AAR2: variants seen among roughly 807,000 people sequenced by gnomAD.
AAR2 encodes AAR2 splicing factor.
Under a neutral mutation model 26.9 loss-of-function variants are expected in AAR2, and 31 were observed. The ratio of observed to expected loss-of-function variants is 1.15; its 90% CI spans 0.86 to 1.55. The LOEUF is 1.55. Among genes scored for constraint, AAR2 ranks in the 40% most tolerant of loss-of-function variants. The pLI is 0.00. For synonymous variants in AAR2, 188 were observed against 196.1 expected, an observed-to-expected ratio of 0.96 and a Z score of 0.34; for missense variants, 430 against 491.3, an observed-to-expected ratio of 0.88 and a Z score of 1.18.
chr20:36,240,117 G>A lies in AAR2; in HGVS notation c.249G>A (p.Gln83=), dbSNP rs2064661040. Residue 83 remains glutamine, a synonymous_variant, in exon 2 of 4, where the codon CAG becomes CAA. Coordinates refer to ENST00000320849, the MANE Select transcript of AAR2 (RefSeq NM_001271874.2). ...PRMGFFLSLH[Q]RGLTVLRWST... Reference sequence around the variant, plus strand: ...TGGGTTTCTTCCTTAGCCTGCACCAGCGGGGGCTGACAGTGCTGCGCTGGA... The same window carrying A: ...TGGGTTTCTTCCTTAGCCTGCACCAACGGGGGCTGACAGTGCTGCGCTGGA... 6.2e-7 allele frequency: 1 copy of A among 1,614,244 alleles called. No homozygotes were observed. Among genetic ancestry groups the A allele is most frequent in the Middle Eastern group, 1.6e-4 (1 of 6,062 alleles).
intron 1 of AAR2, 65 bp downstream of exon 1, chr20:36,236,568 C>G (rs1368013833): frequency 6.6e-6 from 1 of 152,314 alleles, no homozygotes; most frequent in Non-Finnish European, 1.5e-5. Flanking sequence ...GCTGGGCCGC[C>G]CCTCTTCTCG....
At chr20:36,249,056 TCTTA>T (rs2064761240) in intron 3 of AAR2, among the ~76,000 whole-genome samples, 1 of 152,076 alleles carries the variant, frequency 6.6e-6, no homozygotes, top group South Asian at 2.1e-4. Context: ...GAACTGGCTG[TCTTA>T]CTTAGGAGCT....
At chr20:36,249,372 A>G (rs573919973) in intron 3 of AAR2, among the ~76,000 whole-genome samples, 3 of 152,254 alleles carry the variant, frequency 2.0e-5, no homozygotes, top group South Asian at 4.1e-4. Flanking sequence ...GAATTTAATG[A>G]TATGTTAGAA....
At chr20:36,248,497 A>T (rs530467988) in intron 3 of AAR2, among the ~76,000 whole-genome samples, 1 of 151,882 alleles carries the variant, frequency 6.6e-6, no homozygotes, top group Admixed American at 6.6e-5. Flanking sequence ...CACCACGCCA[A>T]CCTAATTTTT....
At chr20:36,250,779 A>G (rs2064773847) in intron 3 of AAR2, among the ~76,000 whole-genome samples, 2 of 152,196 alleles carry the variant, frequency 1.3e-5, no homozygotes, top group Admixed American at 6.5e-5. Flanking sequence ...CACTGTGAAC[A>G]TGTATCATAT....
At chr20:36,242,584 A>G (rs1266009330) in intron 2 of AAR2, among the ~76,000 whole-genome samples, 5 of 151,738 alleles carry the variant, frequency 3.3e-5, no homozygotes, top group Admixed American at 3.3e-4. Context: ...TAGTAGAGAC[A>G]GGGTTTCACC....
At chr20:36,239,746 G>A in intron 1 of AAR2, 75 bp from the exon 2 acceptor site, 1 of 1,169,034 alleles carries the variant, frequency 8.6e-7, no homozygotes, top group Non-Finnish European at 1.2e-6. Context: ...TCAATATCTG[G>A]CACATACAGA....
chr20:36,255,808 A>C lies in AAR2; in HGVS notation c.*63A>C. 6.3e-7 allele frequency: 1 copy of C among 1,579,796 alleles called. No homozygotes were observed. The highest frequency in any genetic ancestry group is 1.1e-5 in the South Asian group (1 of 87,124). On this transcript the variant is annotated 3_prime_UTR_variant, in exon 4 of 4. Transcript: ENST00000320849. Reference sequence around the variant, plus strand: ...ACAGGGCTGCAGTCCTGGCCTCTCCATTTACTTCTTCCCATCCTGGGACCT... The same window carrying C: ...ACAGGGCTGCAGTCCTGGCCTCTCCCTTTACTTCTTCCCATCCTGGGACCT...
rs1341201160 is a variant in AAR2, at chr20:36,240,122, G to A, written c.254G>A (p.Gly85Glu). 2 of 1,614,230 alleles carry A rather than the reference G, an allele frequency of 1.2e-6. No individual in the cohort carries two copies. The highest frequency in any genetic ancestry group is 1.7e-6 in the Non-Finnish European group (2 of 1,180,038). Residue 85 changes from glycine (G) to glutamate (E), a missense_variant, in exon 2 of 4, where the codon GGG becomes GAG. Coordinates refer to ENST00000320849, the MANE Select transcript of AAR2 (RefSeq NM_001271874.2). Reference sequence around the variant, plus strand: ...TTCTTCCTTAGCCTGCACCAGCGGGGGCTGACAGTGCTGCGCTGGAGCACA... The same window carrying A: ...TTCTTCCTTAGCCTGCACCAGCGGGAGCTGACAGTGCTGCGCTGGAGCACA... ...MGFFLSLHQR[G>E]LTVLRWSTLR... is the part of the protein sequence containing the mutation.
At chr20:36,242,301 G>A (rs1480151272) in intron 2 of AAR2, among the ~76,000 whole-genome samples, 2 of 151,782 alleles carry the variant, frequency 1.3e-5, no homozygotes, top group African/African-American at 4.8e-5. Flanking sequence ...ACTGTGCCTA[G>A]ACAGGACTTT....
chr20:36,250,536 C>A, intron 3 of AAR2, among the ~76,000 whole-genome samples: 1 of 152,174 alleles, frequency 6.6e-6, no homozygotes, highest in East Asian at 1.9e-4. Flanking sequence ...ATTTAGACAT[C>A]TTCATTTCTG....
intron 3 of AAR2, among the ~76,000 whole-genome samples, chr20:36,247,221 GAAGGCA>G (rs966953612): frequency 1.2e-4 from 19 of 152,190 alleles, no homozygotes; most frequent in African/African-American, 4.1e-4. Context: ...AAGTGTTTTA[GAAGGCA>G]GTCCTGCCCT....
Position 36,240,304 on chromosome 20 carries a change from GAGAAGC to G in AAR2, c.437_442del (p.Glu146_Leu148delinsVal). On this transcript the variant is annotated inframe_deletion, in exon 2 of 4. Transcript: ENST00000320849. The stretch of plus-strand genomic sequence containing the variant: ...CAACTTCATCAGCGAAGCCACAGTG[GAGAAGC>G]TACAGCCCGAGAATCGACAGATCTG... 1 of 1,614,228 alleles carries G rather than the reference GAGAAGC, an allele frequency of 6.2e-7. No individual in the cohort carries two copies. Among genetic ancestry groups the G allele is most frequent in the Non-Finnish European group, 8.5e-7 (1 of 1,180,048 alleles).
chr20:36,237,773 A>T (rs1456590933), intron 1 of AAR2, among the ~76,000 whole-genome samples: 1 of 147,094 alleles, frequency 6.8e-6, no homozygotes, highest in African/African-American at 2.5e-5. Flanking sequence ...TATTATTATT[A>T]TTATTATTAT....
chr20:36,237,211 C>T (rs1220121437), intron 1 of AAR2, among the ~76,000 whole-genome samples: 1 of 152,166 alleles, frequency 6.6e-6, no homozygotes. Context: ...AGGAGTCAGA[C>T]CGTGCAGGCT....
intron 3 of AAR2, among the ~76,000 whole-genome samples, chr20:36,248,334 C>CT (rs1429692356): frequency 2.0e-5 from 3 of 149,798 alleles, no homozygotes; most frequent in African/African-American, 7.3e-5. Context: ...TCTTCTTCTT[C>CT]TTCTTTTTTT....
At chr20:36,255,517 C>G (rs1290346551) in intron 3 of AAR2, 61 bp from the exon 4 acceptor site, 1 of 1,588,920 alleles carries the variant, frequency 6.3e-7, no homozygotes, top group Admixed American at 1.7e-5. Context: ...GAAATTTCCA[C>G]AGCTTTCTCG....
Position 36,244,311 on chromosome 20 carries a change from T to C in AAR2, c.758-386T>C, listed in dbSNP as rs540959209. 7.7e-4 allele frequency among the ~76,000 whole-genome samples: 118 copies of C among 152,302 alleles called. 1 individual carries two copies. The highest frequency in any genetic ancestry group is 2.8e-3 in the African/African-American group (116 of 41,554). On this transcript the variant is annotated intron_variant, in intron 2 of 3. Transcript: ENST00000320849. ...CCACCAGAACCTCTGAGGGTGAAGC[T>C]TGGGTAGCTTTACTTTTAACAGACT...
chr20:36,244,622 C>T (rs2064715227), intron 2 of AAR2, 75 bp from the exon 3 acceptor site: 1 of 1,413,198 alleles, frequency 7.1e-7, no homozygotes, highest in Admixed American at 1.7e-5. Flanking sequence ...AATTCATGGC[C>T]TTGTGAATAG....
Sources: gnomAD v4.1 joint callset for allele counts (sites outside exome capture counted in the v4.1 genomes callset) on GRCh38, gnomAD v4.1.1 for gene constraint, MANE v1.5 for transcripts, NCBI Gene and HGNC (gene_info 2026-07-23, HGNC 2026-07-21) for gene names.